Variants in RSRC1 observed in about 807,000 individuals in gnomAD.
The protein encoded by RSRC1 is arginine and serine rich coiled-coil 1.
Under a neutral mutation model 49.1 loss-of-function variants are expected in RSRC1, and 39 were observed. That is an observed-to-expected ratio of 0.79 (90% CI 0.61 to 1.04). The LOEUF (loss-of-function observed/expected upper bound fraction) is 1.04, where lower values mean the gene tolerates loss of function less well. RSRC1 is among the 50% of genes least tolerant of loss of function. The probability of loss-of-function intolerance (pLI) is 0.00; values close to 1 mark genes in which losing one functional copy is unlikely to be tolerated. For missense variants in RSRC1, 388 were observed against 402.4 expected (o/e 0.96, Z 0.31); for synonymous variants, 143 against 130.8 (o/e 1.09, Z -0.63).
chr3:158,454,201 C>G (rs1272188113), intron 6 of RSRC1, among the ~76,000 whole-genome samples: 1 of 152,032 alleles, frequency 6.6e-6, no homozygotes, highest in East Asian at 1.9e-4. Context: ...AAGAACTTCT[C>G]TTTGATAGAT....
At chr3:158,269,389 C>G (rs544196801) in intron 4 of RSRC1, among the ~76,000 whole-genome samples, 1 of 152,262 alleles carries the variant, frequency 6.6e-6, no homozygotes, top group South Asian at 2.1e-4. Context: ...ATCATATTCT[C>G]AAATTTTGAA....
At position 158,413,728 on chromosome 3, in the gene RSRC1, GA is replaced by G. The variant is rs1476851644; in HGVS notation, c.584-47200del. On this transcript the variant is annotated intron_variant, in intron 6 of 9. Transcript: ENST00000611884. Reference sequence around the variant, plus strand: ...AGACATTTATGTGGCCAAAAAACATGAAAAAAACCTCAACATCACTGGTCAT... The same window carrying G: ...AGACATTTATGTGGCCAAAAAACATGAAAAAACCTCAACATCACTGGTCAT... 3.3e-5 allele frequency among the ~76,000 whole-genome samples: 5 copies of G among 151,916 alleles called. No individual in the cohort carries two copies. The East Asian group carries it at 5.8e-4, about 18-fold the overall frequency.
chr3:158,180,450 T>TGTGTGTG (rs1559931927), intron 3 of RSRC1, among the ~76,000 whole-genome samples: 9 of 51,518 alleles, frequency 1.7e-4, no homozygotes, highest in East Asian at 6.7e-4. Flanking sequence ...GTGTGTGTGT[T>TGTGTGTG]TATGTGTCTG....
At chr3:158,470,135 G>A (rs1015355598) in intron 7 of RSRC1, among the ~76,000 whole-genome samples, 4 of 151,872 alleles carry the variant, frequency 2.6e-5, no homozygotes, top group African/African-American at 7.3e-5. Context: ...ATGAAGCCAG[G>A]TGTGTAGTTT....
At chr3:158,202,262 G>A (rs1322317530) in intron 3 of RSRC1, among the ~76,000 whole-genome samples, 20 of 151,958 alleles carry the variant, frequency 1.3e-4, no homozygotes, top group African/African-American at 4.4e-4. Context: ...TGATCTGCCC[G>A]CCTTGGCCTC....
chr3:158,395,438 A>G (rs189643069), intron 6 of RSRC1, among the ~76,000 whole-genome samples: 2 of 152,306 alleles, frequency 1.3e-5, no homozygotes, highest in East Asian at 1.9e-4. Context: ...CGCATCTGAC[A>G]AAGGTCAATA....
chr3:158,238,590 A>T (rs1170105992), intron 4 of RSRC1, among the ~76,000 whole-genome samples: 5 of 152,226 alleles, frequency 3.3e-5, no homozygotes. Context: ...GATCTTTGAC[A>T]AACCTGACAA....
At chr3:158,423,704 A>T (rs1212938050) in intron 6 of RSRC1, among the ~76,000 whole-genome samples, 1 of 152,120 alleles carries the variant, frequency 6.6e-6, no homozygotes, top group Admixed American at 6.5e-5. Flanking sequence ...TCTTCCTACC[A>T]ATGAGCATGG....
intron 3 of RSRC1, among the ~76,000 whole-genome samples, chr3:158,140,284 C>T (rs995870347): frequency 9.2e-5 from 14 of 152,180 alleles, no homozygotes; most frequent in South Asian, 2.1e-4. Context: ...CACTTTCATA[C>T]GGGAGGCCCC....
At chr3:158,398,203 G>A (rs968179306) in intron 6 of RSRC1, among the ~76,000 whole-genome samples, 2 of 152,132 alleles carry the variant, frequency 1.3e-5, no homozygotes, top group Non-Finnish European at 2.9e-5. Flanking sequence ...ACTCTTCAGT[G>A]AGGAGTGTTA....
chr3:158,267,210 T>C (rs546282927), intron 4 of RSRC1, among the ~76,000 whole-genome samples: 1 of 152,338 alleles, frequency 6.6e-6, no homozygotes, highest in Non-Finnish European at 1.5e-5. Flanking sequence ...AAAAGTTAGC[T>C]GTAATCTTAT....
chr3:158,541,306 C>G (rs577087889), intron 8 of RSRC1, among the ~76,000 whole-genome samples: 1 of 152,278 alleles, frequency 6.6e-6, no homozygotes, highest in Non-Finnish European at 1.5e-5. Context: ...TTTTCCCTTC[C>G]TGATCCCCAT....
chr3:158,475,279 G>A lies in RSRC1; in HGVS notation c.652+14276G>A, dbSNP rs73172128. Among the ~76,000 whole-genome samples, 30 of 152,098 alleles carry A rather than the reference G, an allele frequency of 2.0e-4. 1 individual carries two copies. Among genetic ancestry groups the A allele is most frequent in the Admixed American group, 1.4e-3 (22 of 15,262 alleles). On this transcript the variant is annotated intron_variant, in intron 7 of 9. Coordinates refer to ENST00000611884, the MANE Select transcript of RSRC1 (RefSeq NM_001271838.2). Reference sequence around the variant, plus strand: ...GTATTTATTGAGCCACCTCCTATATGCCAGGCATTGTTGTCATCCTGGGCC... The same window carrying A: ...GTATTTATTGAGCCACCTCCTATATACCAGGCATTGTTGTCATCCTGGGCC...
intron 6 of RSRC1, among the ~76,000 whole-genome samples, chr3:158,432,291 G>A (rs1410530075): frequency 3.3e-5 from 5 of 151,956 alleles, no homozygotes; most frequent in African/African-American, 1.2e-4. Context: ...TGGCAAAACA[G>A]ACGTAGCTCT....
At chr3:158,501,787 T>G (rs992677870) in intron 7 of RSRC1, among the ~76,000 whole-genome samples, 6 of 152,210 alleles carry the variant, frequency 3.9e-5, no homozygotes, top group Non-Finnish European at 8.8e-5. Context: ...AGTTGATTGG[T>G]AAGTTCTTAT....
chr3:158,484,446 G>A (rs1013976393), intron 7 of RSRC1, among the ~76,000 whole-genome samples: 1 of 152,072 alleles, frequency 6.6e-6, no homozygotes, highest in Non-Finnish European at 1.5e-5. Flanking sequence ...TAAGTAAACC[G>A]TTGGCATATA....
intron 7 of RSRC1, among the ~76,000 whole-genome samples, chr3:158,515,233 A>G (rs1410822186): frequency 6.6e-6 from 1 of 151,954 alleles, no homozygotes; most frequent in African/African-American, 2.4e-5. Flanking sequence ...GCAGCGGCTG[A>G]TATTGGTTGT....
intron 4 of RSRC1, among the ~76,000 whole-genome samples, chr3:158,285,061 A>G (rs1227648151): frequency 2.6e-5 from 4 of 152,116 alleles, no homozygotes; most frequent in Non-Finnish European, 4.4e-5. Flanking sequence ...ATCTTGAATT[A>G]ATTTTCGTAT....
At chr3:158,375,438 G>A (rs1276519775) in intron 6 of RSRC1, among the ~76,000 whole-genome samples, 1 of 151,016 alleles carries the variant, frequency 6.6e-6, no homozygotes, top group African/African-American at 2.4e-5. Flanking sequence ...CTGGACTCCA[G>A]TAATCCACTC....
Sources: allele counts gnomAD v4.1 joint callset (sites outside exome capture counted in the v4.1 genomes callset), GRCh38; gene constraint gnomAD v4.1.1; transcripts MANE v1.5; gene names NCBI Gene and HGNC (gene_info 2026-07-23, HGNC 2026-07-21).